Variants in TNFSF11 observed in about 807,000 individuals in gnomAD.
TNFSF11 encodes tumor necrosis factor ligand superfamily member 11.
In TNFSF11, 12 loss-of-function variants were observed where a neutral mutation model predicts 32.2. The ratio of observed to expected loss-of-function variants is 0.37; its 90% CI spans 0.24 to 0.60. The LOEUF is 0.60. TNFSF11 is among the 20% of genes least tolerant of loss of function. The probability of loss-of-function intolerance (pLI) is 0.66; values close to 1 mark genes in which losing one functional copy is unlikely to be tolerated. For synonymous variants in TNFSF11, 172 were observed against 152.1 expected (o/e 1.13, Z -0.96); for missense variants, 345 against 398.0 (o/e 0.87, Z 1.13).
At chr13:42,583,348 G>A (rs1485611213) in intron 2 of TNFSF11, among the ~76,000 whole-genome samples, 3 of 147,468 alleles carry the variant, frequency 2.0e-5, no homozygotes, top group African/African-American at 5.0e-5. Flanking sequence ...GGAGGTGGAC[G>A]CTGCAGTGAG....
chr13:42,567,284 T>C (rs1028516255), intron 2 of TNFSF11, among the ~76,000 whole-genome samples: 20 of 152,342 alleles, frequency 1.3e-4, no homozygotes, highest in Admixed American at 4.6e-4. Context: ...ATTAATTTTA[T>C]TTTAGGAATA....
intron 2 of TNFSF11, among the ~76,000 whole-genome samples, chr13:42,591,569 C>T (rs1868478593): frequency 6.6e-6 from 1 of 152,174 alleles, no homozygotes; most frequent in Non-Finnish European, 1.5e-5. Flanking sequence ...GAATCCTGCT[C>T]TTAAAGTTCT....
Position 42,564,944 on chromosome 13 carries a change from T to C in TNFSF11, c.-301-1677T>C, listed in dbSNP as rs1248792418. Among the ~76,000 whole-genome samples the C allele has an allele frequency of 2.0e-5, 3 of 152,366 alleles. No homozygotes were observed. In the East Asian group the frequency reaches 5.8e-4, roughly 29 times the overall value. On this transcript the variant is annotated intron_variant, in intron 1 of 6. Transcript: ENST00000358545. Reference sequence around the variant, plus strand: ...TCCCAGCCCAGTTCACCAGCCACTTTGCCAGTACTCAACAAAATCTGTGGG... The same window carrying C: ...TCCCAGCCCAGTTCACCAGCCACTTCGCCAGTACTCAACAAAATCTGTGGG...
chr13:42,589,444 G>A (rs1478534641), intron 2 of TNFSF11, among the ~76,000 whole-genome samples: 1 of 152,142 alleles, frequency 6.6e-6, no homozygotes, highest in East Asian at 1.9e-4. Context: ...GAGGGACTTC[G>A]AAAATGCACA....
At chr13:42,569,001 G>C (rs964683178) in intron 2 of TNFSF11, among the ~76,000 whole-genome samples, 1 of 152,154 alleles carries the variant, frequency 6.6e-6, no homozygotes, top group Non-Finnish European at 1.5e-5. Flanking sequence ...GTTGAGGTCA[G>C]GGTTAAGCAA....
chr13:42,575,968 C>T (rs1011236951), intron 1 of TNFSF11, among the ~76,000 whole-genome samples: 1 of 152,166 alleles, frequency 6.6e-6, no homozygotes, highest in Non-Finnish European at 1.5e-5. Context: ...TGCGTGGCAC[C>T]GTCACCTGCG....
In TNFSF11 at chr13:42,577,864, C is replaced by T. The variant is rs115361933; in HGVS notation, c.220-3262C>T. Among the ~76,000 whole-genome samples, 1,211 of 152,318 alleles carry T rather than the reference C, an allele frequency of 8.0e-3. 17 individuals carry two copies. Among genetic ancestry groups the T allele is most frequent in the African/African-American group, 0.027 (1,105 of 41,566 alleles). ...TTAAAAAAAATGAGACAGTGTATTT[C>T]GTAGGCACATTATCTGACAAATGCA... On this transcript the variant is annotated intron_variant, in intron 1 of 4. Coordinates refer to ENST00000398795, the MANE Select transcript of TNFSF11 (RefSeq NM_003701.4).
At chr13:42,578,495 A>T (rs1477909208) in intron 1 of TNFSF11, among the ~76,000 whole-genome samples, 1 of 152,256 alleles carries the variant, frequency 6.6e-6, no homozygotes, top group East Asian at 1.9e-4. Context: ...GGTTAAAAAT[A>T]AATTTCTAAT....
In TNFSF11 at chr13:42,605,515, A is replaced by G. The variant is rs1176834713; in HGVS notation, c.533-982A>G. 3.3e-5 allele frequency among the ~76,000 whole-genome samples: 5 copies of G among 152,320 alleles called. No individual in the cohort carries two copies. The East Asian group carries it at 9.6e-4, about 29-fold the overall frequency. ...ATCACAGAGGTATTGCCAATTTTTA[A>G]TGACCCAGGAAAATACACCAAAGGA... On this transcript the variant is annotated intron_variant, in intron 4 of 4. Transcript: ENST00000398795.
chr13:42,579,512 A>G (rs991179878), intron 1 of TNFSF11, among the ~76,000 whole-genome samples: 2 of 151,906 alleles, frequency 1.3e-5, no homozygotes, highest in Admixed American at 6.6e-5. Context: ...GCAGGACTCC[A>G]GCTTAACCTA....
At chr13:42,600,118 G>A (rs1181034682) in intron 2 of TNFSF11, among the ~76,000 whole-genome samples, 1 of 152,142 alleles carries the variant, frequency 6.6e-6, no homozygotes, top group Non-Finnish European at 1.5e-5. Context: ...ATTGAGATAT[G>A]CAATTACCTA....
At chr13:42,585,889 G>A (rs534736319) in intron 2 of TNFSF11, among the ~76,000 whole-genome samples, 5 of 152,300 alleles carry the variant, frequency 3.3e-5, no homozygotes, top group Admixed American at 6.5e-5. Context: ...TACTTGCAAA[G>A]GCATTTGAAA....
At chr13:42,581,001 T>C in intron 1 of TNFSF11, 125 bp from the exon 2 acceptor site, 1 of 962,188 alleles carries the variant, frequency 1.0e-6, no homozygotes, top group Non-Finnish European at 1.7e-6. Flanking sequence ...TTGTATTAAC[T>C]ATTCATTGTT....
upstream of TNFSF11, among the ~76,000 whole-genome samples, chr13:42,573,859 C>T (rs1246552773): frequency 6.6e-6 from 1 of 152,162 alleles, no homozygotes; most frequent in African/African-American, 2.4e-5. Flanking sequence ...CAATCCTTAT[C>T]CTTTAGCAAA....
upstream of TNFSF11, among the ~76,000 whole-genome samples, chr13:42,569,912 C>A (rs1182609341): frequency 6.6e-6 from 1 of 151,784 alleles, no homozygotes; most frequent in Non-Finnish European, 1.5e-5. Context: ...GCACTTTTCT[C>A]CCTACTTTTT....
At chr13:42,585,386 C>G (rs1028883340) in intron 2 of TNFSF11, among the ~76,000 whole-genome samples, 3 of 152,070 alleles carry the variant, frequency 2.0e-5, no homozygotes, top group Non-Finnish European at 2.9e-5. Context: ...TATATGTGTG[C>G]GAAAAGTGGT....
chr13:42,594,490 T>TG (rs1409941779), intron 2 of TNFSF11, among the ~76,000 whole-genome samples: 2 of 152,228 alleles, frequency 1.3e-5, no homozygotes, highest in Non-Finnish European at 2.9e-5. Context: ...AAGTCTTGTT[T>TG]GGGGCAGTTA....
intron 1 of TNFSF11, among the ~76,000 whole-genome samples, chr13:42,565,536 T>C (rs552985507): frequency 1.3e-5 from 2 of 152,346 alleles, no homozygotes; most frequent in Admixed American, 6.5e-5. Context: ...TACATGTTTG[T>C]TGAATGACTA....
intron 1 of TNFSF11, among the ~76,000 whole-genome samples, chr13:42,577,152 T>C (rs1180479576): frequency 6.6e-6 from 1 of 152,252 alleles, no homozygotes; most frequent in Non-Finnish European, 1.5e-5. Context: ...AGTTTACAGT[T>C]AAAAATGACG....
Sources: allele counts gnomAD v4.1 joint callset (sites outside exome capture counted in the v4.1 genomes callset), GRCh38; gene constraint gnomAD v4.1.1; transcripts MANE v1.5; gene names NCBI Gene and HGNC (gene_info 2026-07-23, HGNC 2026-07-21).